The following ECSIT variants were observed in gnomAD, a reference collection of about 807,000 sequenced individuals.
ECSIT encodes evolutionarily conserved signaling intermediate in Toll pathway, mitochondrial.
Under a neutral mutation model 36.8 loss-of-function variants are expected in ECSIT, and 29 were observed. The ratio of observed to expected loss-of-function variants is 0.79; its 90% CI spans 0.59 to 1.08. The LOEUF is 1.08. Among genes scored for constraint, ECSIT ranks in the 50% least tolerant of loss-of-function variants. The pLI is 0.00. For synonymous variants in ECSIT, 231 were observed against 234.8 expected (o/e 0.98, Z 0.15); for missense variants, 542 against 581.0 (o/e 0.93, Z 0.69).
chr19:11,528,828 G>C (rs1022768636), intron 1 of ECSIT: 1 of 152,276 alleles, frequency 6.6e-6, no homozygotes, highest in African/African-American at 2.4e-5. Flanking sequence ...CCCGGTTGCC[G>C]ACTTGCGGCG....
chr19:11,521,076 G>T (rs531515536), intron 1 of ECSIT, among the ~76,000 whole-genome samples: 1 of 152,164 alleles, frequency 6.6e-6, no homozygotes, highest in Non-Finnish European at 1.5e-5. Flanking sequence ...AAATTGCTAG[G>T]ATTACAATCA....
chr19:11,514,364 G>A (rs77063470), intron 2 of ECSIT, 143 bp from the exon 3 acceptor site: 24,380 of 784,024 alleles, frequency 0.031, 782 homozygotes, highest in African/African-American at 0.13. Flanking sequence ...CCCAAGATTC[G>A]AGGCCATTAC....
At chr19:11,512,587 G>A (rs1178317383) in intron 4 of ECSIT, among the ~76,000 whole-genome samples, 3 of 152,126 alleles carry the variant, frequency 2.0e-5, no homozygotes, top group Non-Finnish European at 4.4e-5. Context: ...CACTCAAGCT[G>A]TGCTAGCAGT....
intron 4 of ECSIT, among the ~76,000 whole-genome samples, chr19:11,510,856 C>T (rs1599578133): frequency 1.3e-5 from 2 of 152,084 alleles, no homozygotes; most frequent in Middle Eastern, 6.8e-3. Flanking sequence ...AGCATCCACA[C>T]GGCTGCCAGG....
rs772444027 is a variant in ECSIT, at chr19:11,507,420, C to T, written c.1051+37G>A. ...CCTGTAGGAGGGCTGGGATTACGAGCACACATGTGAGCCACCGCACCTGGC... is the reference window on the plus strand; with the variant it reads ...CCTGTAGGAGGGCTGGGATTACGAGTACACATGTGAGCCACCGCACCTGGC... On this transcript the variant is annotated intron_variant, in intron 7 of 7. Transcript: ENST00000270517. 2.6e-6 allele frequency: 4 copies of T among 1,550,370 alleles called. No homozygotes were observed. The South Asian group carries it at 4.5e-5, about 17-fold the overall frequency.
intron 1 of ECSIT, among the ~76,000 whole-genome samples, chr19:11,521,269 A>G (rs2144995593): frequency 6.6e-6 from 1 of 152,280 alleles, no homozygotes; most frequent in Non-Finnish European, 1.5e-5. Flanking sequence ...ACACATGTTT[A>G]TACTTCTCTT....
At chr19:11,518,431 A>AC (rs1410091802) in intron 2 of ECSIT, among the ~76,000 whole-genome samples, 1 of 151,922 alleles carries the variant, frequency 6.6e-6, no homozygotes, top group Non-Finnish European at 1.5e-5. Context: ...CCATCTAAAA[A>AC]AAAAAAAATT....
rs1310902607 is a variant in ECSIT at position 11,523,024 on chromosome 19, TCC to T, written c.-23-3833_-23-3832del. 8.6e-3 allele frequency among the ~76,000 whole-genome samples: 1,310 copies of T among 151,868 alleles called. 10 individuals are homozygous for T. The highest frequency in any genetic ancestry group is 0.015 in the Non-Finnish European group (989 of 67,960). ...AGGCGGAGCTTGCAGTGAGCTGAGA[TCC>T]CACCACTGCACTCCAGCCTGGGTGA... On this transcript the variant is annotated intron_variant, in intron 1 of 7. Coordinates refer to ENST00000270517, the MANE Select transcript of ECSIT (RefSeq NM_016581.5).
Position 11,513,084 on chromosome 19 carries a change from T to G in ECSIT, c.710A>C (p.Asp237Ala). ...AMFGLRHMEPDLSARVTIYQV... is the reference protein window; with the variant it reads ...AMFGLRHMEPALSARVTIYQV... ...GTAGATGGTGACCCTGGCACTAAGG[T>G]CAGGCTCCATGTGCCGCAGGCCAAA... The change falls in exon 4 of 8, where the codon GAC becomes GCC. Residue 237 changes from aspartate to alanine, a missense_variant. Coordinates refer to ENST00000270517, the MANE Select transcript of ECSIT (RefSeq NM_016581.5). 1 of 1,614,134 alleles carries G rather than the reference T, an allele frequency of 6.2e-7. No individual in the cohort carries two copies. The highest frequency in any genetic ancestry group is 8.5e-7 in the Non-Finnish European group (1 of 1,180,014).
chr19:11,519,281 G>C lies in ECSIT; in HGVS notation c.-23-88C>G. Reference sequence around the variant, plus strand: ...CCCGCAGGGTCGAGGGCACACTCCAGATTATGTGGCTCACTCACCAGCCCC... The same window carrying C: ...CCCGCAGGGTCGAGGGCACACTCCACATTATGTGGCTCACTCACCAGCCCC... On this transcript the variant is annotated intron_variant, in intron 1 of 7. Transcript: ENST00000270517. The surrounding 1 kb of genome is among the most constrained non-coding windows in gnomAD (Gnocchi z 4.4). 2 of 843,750 alleles carry C rather than the reference G, an allele frequency of 2.4e-6. No individual in the cohort carries two copies. Among genetic ancestry groups the C allele is most frequent in the East Asian group, 5.3e-5 (2 of 37,820 alleles). 52.3% of individuals were successfully genotyped at this position (843,750 alleles called of 1,614,324 possible). A position where few individuals can be genotyped will look rare whatever the true frequency, so the allele number is the denominator to read the frequency against.
chr19:11,520,240 C>T (rs889234323), intron 1 of ECSIT, among the ~76,000 whole-genome samples: 18 of 152,198 alleles, frequency 1.2e-4, no homozygotes, highest in Middle Eastern at 3.4e-3. Flanking sequence ...AGTGCCATCT[C>T]GGCTCACTGC....
At chr19:11,523,322 T>A in intron 1 of ECSIT, 1 of 267,612 alleles carries the variant, frequency 3.7e-6, no homozygotes, top group Non-Finnish European at 6.8e-6. Flanking sequence ...TAGTATTATA[T>A]ATATATATAA....
chr19:11,514,438 C>T (rs1333921417), intron 2 of ECSIT, among the ~76,000 whole-genome samples: 3 of 151,780 alleles, frequency 2.0e-5, no homozygotes, highest in East Asian at 1.9e-4. Context: ...GCCATGGCTA[C>T]GGGGAGCTGG....
intron 2 of ECSIT, among the ~76,000 whole-genome samples, chr19:11,515,361 C>CT (rs1163482625): frequency 6.6e-6 from 1 of 152,080 alleles, no homozygotes; most frequent in Non-Finnish European, 1.5e-5. Flanking sequence ...CCTTGGCCTC[C>CT]CAAGTGCTGG....
chr19:11,507,785 C>A lies in ECSIT; in HGVS notation c.862G>T (p.Glu288Ter). ...CGGAGCCACAGGGAGAAGGGGCCCT[C>A]AACAAAGACAGGCCGGGCTGGATTG... ...RHNPARPVFV[E>*]GPFSLWLRNK... The change falls in exon 6 of 8, where the codon GAG (glutamate) becomes TAG (stop). Residue 288 changes from glutamate (E) to a stop codon, truncating the protein, a stop_gained. Transcript: ENST00000270517. LOFTEE classifies it high-confidence loss of function. 1 of 1,614,142 alleles carries A rather than the reference C, an allele frequency of 6.2e-7. No individual in the cohort carries two copies. The highest frequency in any genetic ancestry group is 2.2e-5 in the East Asian group (1 of 44,882).
chr19:11,507,548 C>CGT lies in ECSIT; in HGVS notation c.958_959dup (p.Pro321ArgfsTer18). The CGT allele has an allele frequency of 6.2e-7, 1 of 1,614,060 alleles. No individual in the cohort carries two copies. The highest frequency in any genetic ancestry group is 8.5e-7 in the Non-Finnish European group (1 of 1,180,024). ...GGTAGTAGAGGTTCCACTCCTCCGGCGTCTCTTCCACTTCCTACTCCAAGG... is the reference window on the plus strand; with the variant it reads ...GGTAGTAGAGGTTCCACTCCTCCGGCGTGTCTCTTCCACTTCCTACTCCAAGG... On this transcript the variant is annotated frameshift_variant, in exon 7 of 8. Coordinates refer to ENST00000270517, the MANE Select transcript of ECSIT (RefSeq NM_016581.5). LOFTEE classifies it high-confidence loss of function.
At chr19:11,509,712 G>A (rs1411941187) in intron 4 of ECSIT, among the ~76,000 whole-genome samples, 2 of 151,518 alleles carry the variant, frequency 1.3e-5, no homozygotes, top group Non-Finnish European at 2.9e-5. Flanking sequence ...AGGTTGTAGT[G>A]AGCCGAGATT....
At chr19:11,521,202 GT>G (rs1417039307) in intron 1 of ECSIT, among the ~76,000 whole-genome samples, 1 of 152,174 alleles carries the variant, frequency 6.6e-6, no homozygotes, top group Non-Finnish European at 1.5e-5. Flanking sequence ...TTTGCCAAAT[GT>G]TTTTGACTGT....
chr19:11,518,652 C>A (rs765224677), intron 2 of ECSIT, among the ~76,000 whole-genome samples: 2 of 151,982 alleles, frequency 1.3e-5, no homozygotes, highest in Non-Finnish European at 2.9e-5. Context: ...AATCCCAGCA[C>A]TTTGGGAGGC....
Sources: gnomAD v4.1 joint callset for allele counts (sites outside exome capture counted in the v4.1 genomes callset) on GRCh38, gnomAD v4.1.1 for gene constraint, Gnocchi (gnomAD v3.1) non-coding constraint, MANE v1.5 for transcripts, NCBI Gene and HGNC (gene_info 2026-07-23, HGNC 2026-07-21) for gene names.